Variants in PC observed in about 807,000 individuals in gnomAD.
The protein encoded by PC is pyruvate carboxylase.
A neutral mutation model predicts 107.8 loss-of-function variants in PC; 46 were observed. That is an observed-to-expected ratio of 0.43 (90% CI 0.34 to 0.55). The LOEUF is 0.55. Ranked by LOEUF, PC falls within the 20% of genes least tolerant of loss-of-function variation. The pLI is 0.04. For missense variants in PC, 1,241 were observed against 1,643.1 expected (o/e 0.76, Z 4.23); for synonymous variants, 662 against 684.7 (o/e 0.97, Z 0.52).
Position 66,849,358 on chromosome 11 carries a change from G to C in PC, c.3160C>G (p.Arg1054Gly). 9 of 1,612,756 alleles carry C rather than the reference G, an allele frequency of 5.6e-6. No individual in the cohort carries two copies. Among genetic ancestry groups the C allele is most frequent in the Non-Finnish European group, 7.6e-6 (9 of 1,180,018 alleles). Reference sequence around the variant, plus strand: ...GCTTTGATGTGCAGCGTCTTGCCCCGCTCCAGCTCCACCTGCAGGGAGGGT... The same window carrying C: ...GCTTTGATGTGCAGCGTCTTGCCCCCCTCCAGCTCCACCTGCAGGGAGGGT... The part of the protein sequence containing the change: ...IAEEFEVELE[R>G]GKTLHIKALA... The change falls in exon 22 of 23, where the codon CGG becomes GGG. Residue 1054 changes from arginine (R) to glycine (G), a missense_variant. By Grantham distance (125) the Arg-to-Gly change is moderately radical. Around this residue, in one of 2 missense-constraint regions of PC, gnomAD observed 1,143 missense variants for 1,551.9 expected, o/e 0.74. Transcript: ENST00000393960.
At chr11:66,856,806 C>T (rs1211579472) in intron 12 of PC, 1 of 151,322 alleles carries the variant, frequency 6.6e-6, no homozygotes, top group Non-Finnish European at 1.5e-5. Flanking sequence ...GGCGGGCGCC[C>T]GTGCGGTGCA....
rs373511945 is a variant in PC, at chr11:66,858,304, G to A, written c.1369-4921C>T. On this transcript the variant is annotated intron_variant, in intron 12 of 22. Transcript: ENST00000393960. This position sits in a 1 kb window ranked among gnomAD's most constrained non-coding sequence, Gnocchi z 5.9. ...AACCTTATTGACGCACTGCCCCCAG[G>A]CGCCTTCGCCCAGCTCGGTCAGCTC... 22 of 1,610,424 alleles carry A rather than the reference G, an allele frequency of 1.4e-5. No individual in the cohort carries two copies. The African/African-American group carries it at 2.7e-4, about 20-fold the overall frequency.
chr11:66,955,669 C>T (rs1949542490), intron 1 of PC, among the ~76,000 whole-genome samples: 1 of 152,168 alleles, frequency 6.6e-6, no homozygotes, highest in Admixed American at 6.5e-5. Flanking sequence ...CATTAGTAAA[C>T]AAATGACGGC....
At chr11:66,957,793 C>G (rs1458211716) in intron 1 of PC, 1 of 152,240 alleles carries the variant, frequency 6.6e-6, no homozygotes, top group African/African-American at 2.4e-5. Flanking sequence ...CTGGAGCTTC[C>G]CCGTCTGAAA....
intron 3 of PC, among the ~76,000 whole-genome samples, chr11:66,949,689 AG>A (rs1949393299): frequency 6.6e-6 from 1 of 152,182 alleles, no homozygotes; most frequent in African/African-American, 2.4e-5. Context: ...AATAAATAAA[AG>A]CCCCCTGAAA....
Position 66,866,463 on chromosome 11 carries a change from G to A in PC, c.1023-114C>T. 2.6e-6 allele frequency: 2 copies of A among 770,088 alleles called. No individual in the cohort carries two copies. The highest frequency in any genetic ancestry group is 4.3e-6 in the Non-Finnish European group (2 of 464,450). The allele number at this position is 770,088 out of a possible 1,614,324, so 47.7% of individuals were successfully genotyped here. On this transcript the variant is annotated intron_variant, in intron 10 of 22. Transcript: ENST00000393960. The surrounding 1 kb of genome is among the most constrained non-coding windows in gnomAD (Gnocchi z 5.4). ...GGCGTCCACACACAGTGCGACTCCTGCCCATAGGCTCTGGGCCAGCCTGAA... is the reference window on the plus strand; with the variant it reads ...GGCGTCCACACACAGTGCGACTCCTACCCATAGGCTCTGGGCCAGCCTGAA...
At chr11:66,932,157 GA>G (rs1948873991) in intron 3 of PC, among the ~76,000 whole-genome samples, 1 of 152,180 alleles carries the variant, frequency 6.6e-6, no homozygotes, top group Non-Finnish European at 1.5e-5. Flanking sequence ...ACTGGGGAGA[GA>G]GGAAAAAGGA....
chr11:66,859,163 C>A, intron 12 of PC: 1 of 1,449,652 alleles, frequency 6.9e-7, no homozygotes, highest in South Asian at 1.5e-5. Context: ...CCCCACAAGG[C>A]TTTGCTTCCA....
At chr11:66,898,566 GATACTTA>G (rs1360302630) in intron 3 of PC, among the ~76,000 whole-genome samples, 1 of 152,144 alleles carries the variant, frequency 6.6e-6, no homozygotes, top group Non-Finnish European at 1.5e-5. Context: ...TGTAATCCCA[GATACTTA>G]GGAGGCTGAG....
rs1381325861 is a variant in PC, at chr11:66,850,914, C to T, written c.2233G>A (p.Gly745Arg). ...GTGCAGGCCGTGGGCTTCAGCAGCC[C>T]GGCCATGTCCTGGGGGAAGTGGGAG... ...THILCIKDMAGLLKPTACTML... is the reference protein window; with the variant it reads ...THILCIKDMARLLKPTACTML... Residue 745 changes from glycine to arginine, a missense_variant, in exon 18 of 23, where the codon GGG (glycine) becomes AGG (arginine). This residue lies in a region of PC where 1,143 missense variants were observed against 1,551.9 expected (regional missense o/e 0.74). Transcript: ENST00000393960. 1.9e-6 allele frequency: 3 copies of T among 1,608,734 alleles called. No homozygotes were observed. The highest frequency in any genetic ancestry group is 1.3e-5 in the African/African-American group (1 of 74,910).
chr11:66,949,339 T>C (rs1322548201), intron 3 of PC, among the ~76,000 whole-genome samples: 1 of 152,088 alleles, frequency 6.6e-6, no homozygotes, highest in East Asian at 1.9e-4. Context: ...ATATGATTTA[T>C]AAGTTCAATT....
chr11:66,862,987 G>A (rs946615274), intron 12 of PC, among the ~76,000 whole-genome samples: 16 of 152,188 alleles, frequency 1.1e-4, no homozygotes, highest in Non-Finnish European at 2.1e-4. Context: ...CAAAGTGACC[G>A]CATCTACATG....
intron 3 of PC, among the ~76,000 whole-genome samples, chr11:66,900,915 T>C (rs757230800): frequency 2.0e-5 from 3 of 152,234 alleles, no homozygotes; most frequent in Admixed American, 1.3e-4. Context: ...TACAAGATCA[T>C]GTCAACTGAA....
chr11:66,854,949 GC>G (rs2034665832), intron 12 of PC, among the ~76,000 whole-genome samples: 1 of 152,198 alleles, frequency 6.6e-6, no homozygotes, highest in Admixed American at 6.5e-5. Context: ...CATCCAAAGA[GC>G]CCCGAGCGCG....
Position 66,857,451 on chromosome 11 carries a change from CG to C in PC, c.1369-4069del. 2.7e-6 allele frequency: 1 copy of C among 372,278 alleles called. No individual in the cohort carries two copies. Among genetic ancestry groups the C allele is most frequent in the Non-Finnish European group, 4.8e-6 (1 of 208,516 alleles). The allele number at this position is 372,278 out of a possible 1,614,324, so 23.1% of individuals were successfully genotyped here. A position where few individuals can be genotyped will look rare whatever the true frequency, so the allele number is the denominator to read the frequency against. ...TGGGGACGCCTGGGAAAGGAAGTTC[CG>C]GGACCCTCCCTGCTCTCGGTCCTCC... On this transcript the variant is annotated intron_variant, in intron 12 of 22. Coordinates refer to ENST00000393960, the MANE Select transcript of PC (RefSeq NM_001040716.2). This position sits in a 1 kb window ranked among gnomAD's most constrained non-coding sequence, Gnocchi z 7.1.
At chr11:66,893,775 C>T (rs149679302) in intron 3 of PC, among the ~76,000 whole-genome samples, 370 of 151,674 alleles carry the variant, frequency 2.4e-3, no homozygotes, top group South Asian at 3.8e-3. Context: ...TATAGCAGAA[C>T]TTAGCCCCCG....
intron 1 of PC, among the ~76,000 whole-genome samples, chr11:66,954,979 G>A (rs776410815): frequency 6.6e-6 from 1 of 151,446 alleles, no homozygotes; most frequent in Non-Finnish European, 1.5e-5. Flanking sequence ...TGACCTGAAC[G>A]AGGCCTCCAG....
At chr11:66,855,439 C>A (rs1444279688) in intron 12 of PC, among the ~76,000 whole-genome samples, 2 of 152,234 alleles carry the variant, frequency 1.3e-5, no homozygotes, top group African/African-American at 2.4e-5. Flanking sequence ...CTCATCCCAA[C>A]AGACATGCGG....
At chr11:66,912,822 G>A (rs755864813) in intron 3 of PC, among the ~76,000 whole-genome samples, 1 of 152,164 alleles carries the variant, frequency 6.6e-6, no homozygotes, top group Non-Finnish European at 1.5e-5. Context: ...CCCAGCCTCA[G>A]TTCACCCTGG....
Sources: gnomAD v4.1 joint callset for allele counts (sites outside exome capture counted in the v4.1 genomes callset) on GRCh38, gnomAD v4.1.1 for gene constraint, gnomAD v4.1.1 regional missense constraint, Gnocchi (gnomAD v3.1) non-coding constraint, MANE v1.5 for transcripts, NCBI Gene and HGNC (gene_info 2026-07-23, HGNC 2026-07-21) for gene names.